FSTL4: variants seen among roughly 807,000 people sequenced by gnomAD.
The protein encoded by FSTL4 is follistatin like 4, also known as follistatin-related protein 4.
FSTL4 carries 28 observed loss-of-function variants against 78.2 expected under a neutral mutation model. That is an observed-to-expected ratio of 0.36 (90% confidence interval 0.27 to 0.49). FSTL4 has a LOEUF of 0.49. Ranked by LOEUF, FSTL4 falls within the 20% of genes least tolerant of loss-of-function variation. The pLI is 0.98. For missense variants in FSTL4, 922 were observed against 1,084.9 expected (o/e 0.85, Z 2.11); for synonymous variants, 422 against 440.5 (o/e 0.96, Z 0.53).
intron 6 of FSTL4, among the ~76,000 whole-genome samples, chr5:133,286,467 T>C (rs1009337905): frequency 2.0e-5 from 3 of 152,192 alleles, no homozygotes; most frequent in African/African-American, 7.2e-5. Flanking sequence ...ACGTTTTTGA[T>C]GTACATCCAC....
At chr5:133,578,375 T>G (rs551659248) in intron 2 of FSTL4, among the ~76,000 whole-genome samples, 20 of 152,324 alleles carry the variant, frequency 1.3e-4, no homozygotes, top group African/African-American at 4.8e-4. Context: ...CCACTCCAGT[T>G]TGCCCATCTG....
intron 12 of FSTL4, among the ~76,000 whole-genome samples, chr5:133,219,084 G>C (rs111839657): frequency 0.013 from 1,922 of 152,198 alleles, 26 homozygotes; most frequent in Non-Finnish European, 0.022. Context: ...AATCTTCTTT[G>C]TGGTTCCTCT....
At chr5:133,209,962 T>G in intron 14 of FSTL4, 1 of 417,060 alleles carries the variant, frequency 2.4e-6, no homozygotes, top group Non-Finnish European at 4.4e-6. Flanking sequence ...GGGTGCCACA[T>G]TCTGATTGTT....
the FSTL4 span, among the ~76,000 whole-genome samples, chr5:133,732,609 T>G: frequency 6.6e-6 from 1 of 152,056 alleles, no homozygotes; most frequent in Admixed American, 6.5e-5. Context: ...TTGCACAGCC[T>G]CCTCCCGGCC....
intron 7 of FSTL4, among the ~76,000 whole-genome samples, chr5:133,243,537 A>G (rs904325351): frequency 1.3e-5 from 2 of 152,188 alleles, no homozygotes; most frequent in Non-Finnish European, 2.9e-5. Flanking sequence ...CCCCACAGCA[A>G]AGATTTGGAA....
At chr5:133,504,028 G>T (rs1439362892) in intron 3 of FSTL4, among the ~76,000 whole-genome samples, 1 of 152,100 alleles carries the variant, frequency 6.6e-6, no homozygotes, top group East Asian at 1.9e-4. Flanking sequence ...TAAAACCATC[G>T]GATCTCGTGA....
intron 3 of FSTL4, among the ~76,000 whole-genome samples, chr5:133,529,093 G>T (rs823981): frequency 6.6e-6 from 1 of 151,926 alleles, no homozygotes; most frequent in Non-Finnish European, 1.5e-5. Flanking sequence ...TCCACGAATG[G>T]CCATGTGGAA....
At chr5:133,659,595 C>T in the FSTL4 span, among the ~76,000 whole-genome samples, 50,458 of 150,556 alleles carry the variant, frequency 0.34, 10,277 homozygotes, top group African/African-American at 0.58. Context: ...ATTATAAATA[C>T]ATTGTAATAT....
At chr5:133,758,786 G>A in the FSTL4 span, among the ~76,000 whole-genome samples, 20 of 152,326 alleles carry the variant, frequency 1.3e-4, no homozygotes, top group East Asian at 3.9e-3. Flanking sequence ...GGGTGGTTCT[G>A]ACTCAGATCT....
In FSTL4 at chr5:133,440,858, C is replaced by T. The variant is rs984072196; in HGVS notation, c.161-39872G>A. On this transcript the variant is annotated intron_variant, in intron 3 of 15. Transcript: ENST00000265342. The surrounding 1 kb of genome is among the most constrained non-coding windows in gnomAD (Gnocchi z 4.1). ...AGCACCACACAGAGGAGGAATGTGT[C>T]CTAGAGGCTCAGATACAGTGGACTA... Among the ~76,000 whole-genome samples the T allele has an allele frequency of 6.6e-6, 1 of 152,142 alleles. No homozygotes were observed. The highest frequency in any genetic ancestry group is 1.5e-5 in the Non-Finnish European group (1 of 68,026).
intron 3 of FSTL4, among the ~76,000 whole-genome samples, chr5:133,502,373 C>T (rs1374799999): frequency 1.3e-5 from 2 of 152,108 alleles, no homozygotes; most frequent in East Asian, 1.9e-4. Context: ...GAGAGCCACA[C>T]GGGAAGGGAA....
the FSTL4 span, among the ~76,000 whole-genome samples, chr5:133,773,104 A>G: frequency 2.6e-5 from 4 of 152,096 alleles, no homozygotes; most frequent in African/African-American, 9.7e-5. Context: ...TATTTATGGG[A>G]AAAAATTATA....
At chr5:133,207,206 T>A (rs763042963) in intron 14 of FSTL4, among the ~76,000 whole-genome samples, 27 of 152,262 alleles carry the variant, frequency 1.8e-4, no homozygotes, top group Non-Finnish European at 3.4e-4. Context: ...TGTCTCTTCG[T>A]ATATTTTAAA....
intron 4 of FSTL4, among the ~76,000 whole-genome samples, chr5:133,341,947 T>C (rs1438653989): frequency 1.3e-5 from 2 of 152,176 alleles, no homozygotes; most frequent in Non-Finnish European, 2.9e-5. Context: ...GCCTAGTACC[T>C]GCTCCAGCAC....
At chr5:133,230,444 A>G (rs1751459639) in intron 8 of FSTL4, among the ~76,000 whole-genome samples, 1 of 152,208 alleles carries the variant, frequency 6.6e-6, no homozygotes, top group South Asian at 2.1e-4. Context: ...CCTGCAAGTC[A>G]AGGGTGTGGA....
At chr5:133,498,233 T>C (rs1305451332) in intron 3 of FSTL4, among the ~76,000 whole-genome samples, 2 of 152,194 alleles carry the variant, frequency 1.3e-5, no homozygotes, top group Non-Finnish European at 2.9e-5. Flanking sequence ...TTGGGGCTAA[T>C]CCCACATTCT....
At position 133,220,768 on chromosome 5, in the gene FSTL4, C is replaced by G. The variant is rs1405142570; in HGVS notation, c.1438G>C (p.Glu480Gln). 6.3e-7 allele frequency: 1 copy of G among 1,596,802 alleles called. No homozygotes were observed. Among genetic ancestry groups the G allele is most frequent in the Non-Finnish European group, 8.6e-7 (1 of 1,164,290 alleles). Residue 480 changes from glutamate (E) to glutamine (Q), a missense_variant, in exon 12 of 16, where the codon GAA becomes CAA. Transcript: ENST00000265342. ...CTTACATAGCTCATGAAAATCTTTT[C>G]CGTGGGTTTGAGGTGCCTCTGGATC... Reference protein sequence around the residue: ...CEIQRHLKPTEKIFMSYEEIC... With the variant: ...CEIQRHLKPTQKIFMSYEEIC...
intron 5 of FSTL4, among the ~76,000 whole-genome samples, chr5:133,314,546 C>T (rs141463367): frequency 1.9e-4 from 29 of 151,786 alleles, no homozygotes; most frequent in Middle Eastern, 3.4e-3. Flanking sequence ...TACTTGTTGT[C>T]CCTACAGACC....
chr5:133,798,321 T>C, the FSTL4 span, among the ~76,000 whole-genome samples: 1 of 152,142 alleles, frequency 6.6e-6, no homozygotes, highest in African/African-American at 2.4e-5. Context: ...TTCAGCCATC[T>C]CGCTTCCCAG....
Sources: allele counts gnomAD v4.1 joint callset (sites outside exome capture counted in the v4.1 genomes callset), GRCh38; gene constraint gnomAD v4.1.1; non-coding constraint Gnocchi (gnomAD v3.1); transcripts MANE v1.5; gene names NCBI Gene and HGNC (gene_info 2026-07-23, HGNC 2026-07-21).